CNTNAP3: variants seen among roughly 807,000 people sequenced by gnomAD.
CNTNAP3 encodes the protein contactin associated protein family member 3.
CNTNAP3 carries 36 observed loss-of-function variants against 92.1 expected under a neutral mutation model. The ratio of observed to expected loss-of-function variants is 0.39; its 90% confidence interval spans 0.30 to 0.52. CNTNAP3 has a LOEUF of 0.52. CNTNAP3 is among the 20% of genes least tolerant of loss of function. CNTNAP3 has a pLI of 0.76. For missense variants in CNTNAP3, 534 were observed against 1,069.6 expected (o/e 0.50, Z 6.98); for synonymous variants, 232 against 422.3 (o/e 0.55, Z 5.53).
intron 15 of CNTNAP3, among the ~76,000 whole-genome samples, chr9:39,104,471 TACACATACACACACACAC>T (rs968844735): frequency 1.4e-5 from 1 of 71,844 alleles, no homozygotes; most frequent in Non-Finnish European, 3.1e-5. Context: ...TTCCTGCACA[TACACATACACACACACAC>T]ACACACACAC....
At chr9:39,161,828 C>A (rs1822080217) in intron 9 of CNTNAP3, among the ~76,000 whole-genome samples, 1 of 108,250 alleles carries the variant, frequency 9.2e-6, no homozygotes, top group South Asian at 3.0e-4. Flanking sequence ...ACAGGTGAGA[C>A]TGACTCTAAA....
At chr9:39,137,515 G>GT (rs1821469401) in intron 12 of CNTNAP3, among the ~76,000 whole-genome samples, 2 of 151,866 alleles carry the variant, frequency 1.3e-5, no homozygotes, top group South Asian at 2.1e-4. Context: ...TGTTTGTTTT[G>GT]TTTTTTGGTT....
chr9:39,148,820 G>C (rs117884107), intron 10 of CNTNAP3, among the ~76,000 whole-genome samples: 14,094 of 152,106 alleles, frequency 0.093, 717 homozygotes, highest in African/African-American at 0.14. Context: ...CCACGGCGCC[G>C]GGCCAGATTA....
rs1587689829 is a variant in CNTNAP3, at chr9:39,070,495, G to C, written c.*3395C>G. ...GGAATTCATGGATATAGAGTAGAAGGATGGTTAGTAAAGGCTGAAAAAAGT... is the reference window on the plus strand; with the variant it reads ...GGAATTCATGGATATAGAGTAGAAGCATGGTTAGTAAAGGCTGAAAAAAGT... On this transcript the variant is annotated 3_prime_UTR_variant, in exon 24 of 24. Coordinates refer to ENST00000297668, the MANE Select transcript of CNTNAP3 (RefSeq NM_033655.5). 6.9e-6 allele frequency among the ~76,000 whole-genome samples: 1 copy of C among 145,236 alleles called. No individual in the cohort carries two copies. Among genetic ancestry groups the C allele is most frequent in the East Asian group, 2.0e-4 (1 of 4,962 alleles).
intron 15 of CNTNAP3, among the ~76,000 whole-genome samples, chr9:39,108,751 A>T (rs923346018): frequency 1.3e-5 from 2 of 152,172 alleles, no homozygotes; most frequent in Non-Finnish European, 2.9e-5. Flanking sequence ...GTGCCATGTA[A>T]TGTAAAACAG....
rs1335002981 is a variant in CNTNAP3 at position 39,067,256 on chromosome 9, T to A, written c.*6634A>T. ...AAAATACGGAATATAGTCATAATATTTTTCATTAGTAATTCTAACATCTGG... is the reference window on the plus strand; with the variant it reads ...AAAATACGGAATATAGTCATAATATATTTCATTAGTAATTCTAACATCTGG... On this transcript the variant is annotated 3_prime_UTR_variant, in exon 24 of 24. Coordinates refer to ENST00000297668, the MANE Select transcript of CNTNAP3 (RefSeq NM_033655.5). Among the ~76,000 whole-genome samples, 4 of 152,302 alleles carry A rather than the reference T, an allele frequency of 2.6e-5. No individual in the cohort carries two copies. Among genetic ancestry groups the A allele is most frequent in the Non-Finnish European group, 1.5e-5 (1 of 68,050 alleles).
intron 15 of CNTNAP3, among the ~76,000 whole-genome samples, chr9:39,108,951 G>T (rs965680679): frequency 2.0e-5 from 3 of 152,026 alleles, no homozygotes; most frequent in African/African-American, 7.2e-5. Context: ...AAACAAAGAT[G>T]ATTCATTTTC....
chr9:39,098,224 A>C (rs1462996347), intron 18 of CNTNAP3, among the ~76,000 whole-genome samples: 1 of 146,654 alleles, frequency 6.8e-6, no homozygotes, highest in African/African-American at 2.5e-5. Context: ...TTCTCTTAAA[A>C]CACTTTATGA....
At position 39,122,227 on chromosome 9, in the gene CNTNAP3, C is replaced by T. The variant is rs1206912804; in HGVS notation, c.2081-3968G>A. 2.6e-5 allele frequency among the ~76,000 whole-genome samples: 4 copies of T among 152,304 alleles called. No homozygotes were observed. The South Asian group carries it at 6.2e-4, about 24-fold the overall frequency. On this transcript the variant is annotated intron_variant, in intron 13 of 23. Transcript: ENST00000297668. ...AAAATTAGCCGGGCGTGGTGGCGGG[C>T]GCCTGTAGTCCCAGCTACTCGGGAG...
Position 39,066,723 on chromosome 9 carries a change from T to C in CNTNAP3, c.*7167A>G, listed in dbSNP as rs1425040010. ...CCACTGCCCTTCCCCTTGCATTGCT[T>C]CCAAAAAGAAGTCTGGTATCATCCT... is the stretch of plus-strand genomic sequence containing the variant. On this transcript the variant is annotated 3_prime_UTR_variant, in exon 24 of 24. Transcript: ENST00000297668. Among the ~76,000 whole-genome samples, 3 of 152,310 alleles carry C rather than the reference T, an allele frequency of 2.0e-5. No homozygotes were observed. The highest frequency in any genetic ancestry group is 4.1e-4 in the South Asian group (2 of 4,836).
rs186094352 is a variant in CNTNAP3, at chr9:39,132,132, C to T, written c.2080+800G>A. Among the ~76,000 whole-genome samples the T allele has an allele frequency of 3.0e-3, 458 of 152,032 alleles. 5 individuals are homozygous for T. Among genetic ancestry groups the T allele is most frequent in the Non-Finnish European group, 4.9e-3 (330 of 67,986 alleles). ...ACTTCCTGGGCTCCAGTGATCCTCC[C>T]GCCTATATACTATTTGGGATTGCTA... is the stretch of plus-strand genomic sequence containing the variant. On this transcript the variant is annotated intron_variant, in intron 13 of 23. Transcript: ENST00000297668.
At chr9:39,126,487 T>C (rs536944076) in intron 13 of CNTNAP3, among the ~76,000 whole-genome samples, 1 of 152,190 alleles carries the variant, frequency 6.6e-6, no homozygotes, top group East Asian at 1.9e-4. Flanking sequence ...AGCAAAACCT[T>C]ACAAAAAAGT....
In CNTNAP3 at chr9:39,072,296, A is replaced by G. The variant is rs1204563973; in HGVS notation, c.*1594T>C. Among the ~76,000 whole-genome samples, 2 of 141,214 alleles carry G rather than the reference A, an allele frequency of 1.4e-5. No individual in the cohort carries two copies. The highest frequency in any genetic ancestry group is 1.5e-5 in the Non-Finnish European group (1 of 66,102). 92.6% of individuals were successfully genotyped at this position (141,214 alleles called of 152,430 possible). On this transcript the variant is annotated 3_prime_UTR_variant, in exon 24 of 24. Coordinates refer to ENST00000297668, the MANE Select transcript of CNTNAP3 (RefSeq NM_033655.5). ...CGTAACAGTAACGCTGAATCAATAT[A>G]TTTTCAGCTTGCCCTGATGTGGAAG...
At chr9:39,124,953 T>C (rs1587720348) in intron 13 of CNTNAP3, among the ~76,000 whole-genome samples, 1 of 152,242 alleles carries the variant, frequency 6.6e-6, no homozygotes, top group South Asian at 2.1e-4. Context: ...AGTGTTGCGA[T>C]TCCTCATGGA....
At chr9:39,101,665 G>GA (rs1826458522) in intron 17 of CNTNAP3, among the ~76,000 whole-genome samples, 1 of 149,064 alleles carries the variant, frequency 6.7e-6, no homozygotes, top group African/African-American at 2.5e-5. Flanking sequence ...GGCCGCGGGG[G>GA]AGGTGCGCAG....
intron 15 of CNTNAP3, among the ~76,000 whole-genome samples, chr9:39,108,541 A>C (rs1424117588): frequency 1.3e-5 from 2 of 152,156 alleles, no homozygotes; most frequent in South Asian, 4.1e-4. Flanking sequence ...GTATGATGCT[A>C]GTGGGTAAGA....
intron 12 of CNTNAP3, among the ~76,000 whole-genome samples, chr9:39,135,508 T>C (rs1248244609): frequency 7.9e-5 from 12 of 152,310 alleles, no homozygotes; most frequent in Admixed American, 2.0e-4. Context: ...CGTTGATCCC[T>C]GTTCCACTCC....
chr9:39,081,735 A>T (rs1825941287), intron 21 of CNTNAP3, among the ~76,000 whole-genome samples: 1 of 152,030 alleles, frequency 6.6e-6, no homozygotes, highest in Non-Finnish European at 1.5e-5. Context: ...ATAAGTGGAC[A>T]GTCTTCTACA....
chr9:39,073,927 T>G lies in CNTNAP3; in HGVS notation c.3830A>C (p.Glu1277Ala), dbSNP rs1248063516. The change falls in exon 24 of 24, where the codon GAA becomes GCA. Residue 1277 changes from glutamate to alanine, a missense_variant. Transcript: ENST00000297668. ...TTTTTTTGAGACTTTTGACTCATTT[T>G]CTTTGCGTAACTTTCTCTGTTGATA... ...RIYQQRKLRK[E>A]NESKVSKKEE... is the part of the protein sequence containing the mutation. 6.3e-7 allele frequency: 1 copy of G among 1,596,918 alleles called. No individual in the cohort carries two copies. Among genetic ancestry groups the G allele is most frequent in the African/African-American group, 1.3e-5 (1 of 74,890 alleles).
Sources: allele counts gnomAD v4.1 joint callset (sites outside exome capture counted in the v4.1 genomes callset), GRCh38; gene constraint gnomAD v4.1.1; transcripts MANE v1.5; gene names NCBI Gene and HGNC (gene_info 2026-07-23, HGNC 2026-07-21).